The following HECA variants were observed in gnomAD, a reference collection of about 807,000 sequenced individuals.
HECA encodes the protein headcase protein homolog.
HECA carries 13 observed loss-of-function variants against 37.6 expected under a neutral mutation model. That is an observed-to-expected ratio of 0.35 (90% CI 0.23 to 0.55). The LOEUF (loss-of-function observed/expected upper bound fraction) is 0.55, where lower values mean the gene tolerates loss of function less well. HECA is among the 20% of genes least tolerant of loss of function. The pLI is 0.90. For synonymous variants in HECA, 307 were observed against 291.5 expected, an observed-to-expected ratio of 1.05 and a Z score of -0.54; for missense variants, 527 against 701.9, an observed-to-expected ratio of 0.75 and a Z score of 2.82.
chr6:139,172,431 C>G (rs1774987246), intron 2 of HECA, among the ~76,000 whole-genome samples: 1 of 152,174 alleles, frequency 6.6e-6, no homozygotes, highest in Non-Finnish European at 1.5e-5. Context: ...TCACTGCCCT[C>G]CCCGGACCCT....
At chr6:139,145,431 T>C (rs564414235) in intron 1 of HECA, among the ~76,000 whole-genome samples, 1 of 152,266 alleles carries the variant, frequency 6.6e-6, no homozygotes, top group South Asian at 2.1e-4. Context: ...AGAGGAAGCT[T>C]AAAGAAAAGT....
At chr6:139,138,723 A>G in intron 1 of HECA, among the ~76,000 whole-genome samples, 1 of 152,234 alleles carries the variant, frequency 6.6e-6, no homozygotes, top group South Asian at 2.1e-4. Flanking sequence ...GCAGTTGTGC[A>G]TCTTGAGTAA....
chr6:139,166,083 A>G (rs574492722), intron 1 of HECA: 2 of 514,570 alleles, frequency 3.9e-6, no homozygotes, highest in African/African-American at 3.9e-5. Context: ...CTTTTTAGAG[A>G]TTCCACCAGA....
At chr6:139,172,682 C>G (rs1318932191) in intron 2 of HECA, among the ~76,000 whole-genome samples, 6 of 152,086 alleles carry the variant, frequency 3.9e-5, no homozygotes, top group African/African-American at 1.2e-4. Flanking sequence ...CAGTCCAGAC[C>G]AGGTGTTCCA....
At chr6:139,172,429 C>T (rs1774987197) in intron 2 of HECA, among the ~76,000 whole-genome samples, 1 of 152,194 alleles carries the variant, frequency 6.6e-6, no homozygotes, top group Non-Finnish European at 1.5e-5. Flanking sequence ...ACTCACTGCC[C>T]TCCCCGGACC....
At chr6:139,135,923 C>T (rs946303079) in intron 1 of HECA, among the ~76,000 whole-genome samples, 1 of 151,890 alleles carries the variant, frequency 6.6e-6, no homozygotes, top group Non-Finnish European at 1.5e-5. Context: ...GCTGCGGCAG[C>T]GCTGCCCTCG....
intron 1 of HECA, among the ~76,000 whole-genome samples, chr6:139,136,004 G>A (rs1238640691): frequency 6.6e-6 from 1 of 151,964 alleles, no homozygotes; most frequent in Non-Finnish European, 1.5e-5. Context: ...AGGAAGGGAG[G>A]AAAGAGCCGC....
At chr6:139,166,155 A>G (rs530980329) in intron 1 of HECA, 129 bp from the exon 2 acceptor site, 14 of 744,770 alleles carry the variant, frequency 1.9e-5, no homozygotes, top group African/African-American at 1.6e-4. Flanking sequence ...TCATCTTTAA[A>G]GGAACCCTGG....
intron 3 of HECA, among the ~76,000 whole-genome samples, chr6:139,175,768 G>A (rs183241204): frequency 1.7e-3 from 258 of 152,286 alleles, no homozygotes; most frequent in African/African-American, 6.1e-3. Context: ...ACCATTGAAA[G>A]GCAATGAGAT....
rs918063287 is a variant in HECA, at chr6:139,176,578, A to G, written c.1468-363A>G. On this transcript the variant is annotated intron_variant, in intron 3 of 3. Transcript: ENST00000367658. This position sits in a 1 kb window ranked among gnomAD's most constrained non-coding sequence, Gnocchi z 4.5. Reference sequence around the variant, plus strand: ...CAAAGAAAACGCAACTTTTCTATAGAGTAGAATGAAAAATGAAATTTCAAA... The same window carrying G: ...CAAAGAAAACGCAACTTTTCTATAGGGTAGAATGAAAAATGAAATTTCAAA... 6.6e-6 allele frequency among the ~76,000 whole-genome samples: 1 copy of G among 152,186 alleles called. No homozygotes were observed. The highest frequency in any genetic ancestry group is 2.4e-5 in the African/African-American group (1 of 41,438).
At chr6:139,167,621 A>T (rs1774910435) in intron 2 of HECA, among the ~76,000 whole-genome samples, 1 of 152,190 alleles carries the variant, frequency 6.6e-6, no homozygotes, top group Non-Finnish European at 1.5e-5. Context: ...GAGTTGTTGC[A>T]TATTTGTCAC....
chr6:139,151,718 C>T (rs990604822), intron 1 of HECA, among the ~76,000 whole-genome samples: 1 of 152,080 alleles, frequency 6.6e-6, no homozygotes, highest in Non-Finnish European at 1.5e-5. Context: ...AAGTAATTTG[C>T]GATTTTTGCC....
intron 1 of HECA, among the ~76,000 whole-genome samples, chr6:139,153,493 G>A (rs898814170): frequency 2.0e-4 from 30 of 151,956 alleles, no homozygotes; most frequent in African/African-American, 7.2e-4. Context: ...CGCGATCTCG[G>A]CTCACTGCGG....
chr6:139,171,633 T>C (rs1774974018), intron 2 of HECA, among the ~76,000 whole-genome samples: 2 of 152,252 alleles, frequency 1.3e-5, no homozygotes, highest in South Asian at 4.2e-4. Flanking sequence ...TTCTTTTTTC[T>C]TTCTTTTTTT....
At chr6:139,162,505 C>T (rs1360789687) in intron 1 of HECA, among the ~76,000 whole-genome samples, 1 of 152,188 alleles carries the variant, frequency 6.6e-6, no homozygotes, top group Non-Finnish European at 1.5e-5. Context: ...CCAACTCAGG[C>T]AGTCTGGTTG....
rs1466369205 is a variant in HECA at position 139,180,624 on chromosome 6, T to C, written c.*3519T>C. The C allele has an allele frequency of 5.2e-5, 8 of 152,652 alleles. No homozygotes were observed. The highest frequency in any genetic ancestry group is 4.6e-4 in the Admixed American group (7 of 15,282). 9.5% of individuals were successfully genotyped at this position (152,652 alleles called of 1,614,324 possible). A position where few individuals can be genotyped will look rare whatever the true frequency, so the allele number is the denominator to read the frequency against. ...TAAAACCAGCTCAAAAATAAATTCT[T>C]GTCAGTAAAGATTTCTTGTCAAGAT... On this transcript the variant is annotated 3_prime_UTR_variant, in exon 4 of 4. Coordinates refer to ENST00000367658, the MANE Select transcript of HECA (RefSeq NM_016217.3).
Position 139,135,393 on chromosome 6 carries a change from C to A in HECA, c.-4C>A. 1 of 1,374,064 alleles carries A rather than the reference C, an allele frequency of 7.3e-7. No homozygotes were observed. The highest frequency in any genetic ancestry group is 9.6e-7 in the Non-Finnish European group (1 of 1,041,542). The allele number at this position is 1,374,064 out of a possible 1,614,324, so 85.1% of individuals were successfully genotyped here. ...GGGCACCTACCTGGACGCGAGCGAG[C>A]GAGATGCCCAACCCCAAAAACAGCA... On this transcript the variant is annotated 5_prime_UTR_variant, in exon 1 of 4. Transcript: ENST00000367658.
rs925998879 is a variant in HECA, at chr6:139,178,071, G to A, written c.*966G>A. 5.3e-5 allele frequency: 8 copies of A among 152,296 alleles called. No individual in the cohort carries two copies. The highest frequency in any genetic ancestry group is 3.9e-4 in the East Asian group (2 of 5,188). The allele number at this position is 152,296 out of a possible 1,614,324, so 9.4% of individuals were successfully genotyped here. On this transcript the variant is annotated 3_prime_UTR_variant, in exon 4 of 4. Transcript: ENST00000367658. Reference sequence around the variant, plus strand: ...TTAATTCTGAGTTTCCAAAATCAAAGATTTGACCTTAAGAGGGAAGGGAAA... The same window carrying A: ...TTAATTCTGAGTTTCCAAAATCAAAAATTTGACCTTAAGAGGGAAGGGAAA...
At position 139,167,015 on chromosome 6, in the gene HECA, G is replaced by A; in HGVS notation, c.1003G>A (p.Gly335Arg). The change falls in exon 2 of 4, where the codon GGA (glycine) becomes AGA (arginine). Residue 335 changes from glycine to arginine, a missense_variant. Transcript: ENST00000367658. ...TGCGGGGTTGGCAGTTCACAGGGGG[G>A]GACACTTCGACACCCCCGTGCAGTT... is the stretch of plus-strand genomic sequence containing the variant. Reference protein sequence around the residue: ...SPAGLAVHRGGHFDTPVQFLR... With the variant: ...SPAGLAVHRGRHFDTPVQFLR... The A allele has an allele frequency of 6.2e-7, 1 of 1,614,150 alleles. No homozygotes were observed. The highest frequency in any genetic ancestry group is 8.5e-7 in the Non-Finnish European group (1 of 1,180,022).
Sources: gnomAD v4.1 joint callset for allele counts (sites outside exome capture counted in the v4.1 genomes callset) on GRCh38, gnomAD v4.1.1 for gene constraint, Gnocchi (gnomAD v3.1) non-coding constraint, MANE v1.5 for transcripts, NCBI Gene and HGNC (gene_info 2026-07-23, HGNC 2026-07-21) for gene names.